GRXCR2: variants seen among roughly 807,000 people sequenced by gnomAD.
The protein encoded by GRXCR2 is glutaredoxin and cysteine rich domain containing 2.
Under a neutral mutation model 24.8 loss-of-function variants are expected in GRXCR2, and 23 were observed. The ratio of observed to expected loss-of-function variants is 0.93; its 90% CI spans 0.67 to 1.32. The LOEUF (loss-of-function observed/expected upper bound fraction) is 1.32, where lower values mean the gene tolerates loss of function less well. Among genes scored for constraint, GRXCR2 ranks in the 40% most tolerant of loss-of-function variants. The pLI, the probability that GRXCR2 is intolerant of heterozygous loss-of-function variation, is 0.00. For synonymous variants in GRXCR2, 130 were observed against 116.1 expected (o/e 1.12, Z -0.77); for missense variants, 315 against 303.4 (o/e 1.04, Z -0.28).
At chr5:145,880,331 CA>C in intron 2 of GRXCR2, among the ~76,000 whole-genome samples, 1 of 152,048 alleles carries the variant, frequency 6.6e-6, no homozygotes, top group Admixed American at 6.6e-5. Context: ...AGAGAAGAAT[CA>C]AATAGATGCA....
At position 145,872,950 on chromosome 5, in the gene GRXCR2, T is replaced by C; in HGVS notation, c.19A>G (p.Lys7Glu). Residue 7 changes from lysine to glutamate, a missense_variant, in exon 1 of 3, where the codon AAG (lysine) becomes GAG (glutamate). By Grantham distance (56) the Lys-to-Glu change is moderately conservative (BLOSUM62 1). Transcript: ENST00000377976. MEDPEK[K>E]LNQKSDGKPR... is the part of the protein sequence containing the mutation. ...TTGCCATCACTCTTCTGATTCAGCT[T>C]TTTCTCAGGGTCCTCCATCAGCAGA... 1.2e-6 allele frequency: 2 copies of C among 1,614,024 alleles called. No individual in the cohort carries two copies. The highest frequency in any genetic ancestry group is 4.5e-5 in the East Asian group (2 of 44,874).
chr5:145,927,831 C>G (rs1757421930), intron 2 of GRXCR2, among the ~76,000 whole-genome samples: 1 of 152,126 alleles, frequency 6.6e-6, no homozygotes, highest in Non-Finnish European at 1.5e-5. Flanking sequence ...ACATTCAGGA[C>G]ATAGGCATGG....
At chr5:145,864,588 C>G (rs754558217) in intron 2 of GRXCR2, among the ~76,000 whole-genome samples, 2 of 152,086 alleles carry the variant, frequency 1.3e-5, no homozygotes, top group Non-Finnish European at 2.9e-5. Context: ...CTCACCAGAG[C>G]TGGTGGTTTT....
chr5:145,878,441 G>C (rs1029685808), intron 2 of GRXCR2, among the ~76,000 whole-genome samples: 1 of 152,110 alleles, frequency 6.6e-6, no homozygotes, highest in Non-Finnish European at 1.5e-5. Flanking sequence ...GGAGGAAAGG[G>C]TATCAGTGAT....
intron 2 of GRXCR2, among the ~76,000 whole-genome samples, chr5:145,928,514 A>C (rs1290542778): frequency 6.6e-6 from 1 of 152,140 alleles, no homozygotes; most frequent in East Asian, 1.9e-4. Flanking sequence ...AAATGTCCAA[A>C]AATGATAGAC....
At chr5:145,925,841 G>A (rs1045711335) in intron 2 of GRXCR2, among the ~76,000 whole-genome samples, 6 of 151,740 alleles carry the variant, frequency 4.0e-5, no homozygotes, top group African/African-American at 1.5e-4. Flanking sequence ...TTTAATAAGG[G>A]AAAAAAATTT....
At chr5:145,871,528 TATAGAC>T (rs949993787) in intron 1 of GRXCR2, among the ~76,000 whole-genome samples, 165 of 152,310 alleles carry the variant, frequency 1.1e-3, no homozygotes, top group African/African-American at 3.6e-3. Context: ...ATGCCATAGA[TATAGAC>T]AGAGATAGTA....
chr5:145,876,214 T>TATATACACACACACAC (rs1425300695), upstream of GRXCR2, among the ~76,000 whole-genome samples: 5 of 139,680 alleles, frequency 3.6e-5, no homozygotes, highest in Admixed American at 7.2e-5. Context: ...TATATATATA[T>TATATACACACACACAC]ATACACACAC....
At chr5:145,870,267 A>G (rs1756507457) in intron 1 of GRXCR2, among the ~76,000 whole-genome samples, 1 of 151,984 alleles carries the variant, frequency 6.6e-6, no homozygotes, top group Non-Finnish European at 1.5e-5. Flanking sequence ...GCCAACCACC[A>G]TTCTACTTGC....
intron 1 of GRXCR2, among the ~76,000 whole-genome samples, chr5:145,867,062 T>C (rs1003952747): frequency 6.6e-6 from 1 of 152,190 alleles, no homozygotes; most frequent in African/African-American, 2.4e-5. Flanking sequence ...GTTTAATAAA[T>C]ACAGAGGGAC....
chr5:145,916,005 T>C (rs1347684956), intron 2 of GRXCR2, among the ~76,000 whole-genome samples: 2 of 152,064 alleles, frequency 1.3e-5, no homozygotes, highest in Admixed American at 1.3e-4. Context: ...AGAGTCACCA[T>C]GCGGGGAGGG....
intron 1 of GRXCR2, among the ~76,000 whole-genome samples, chr5:145,871,891 G>A (rs369607703): frequency 6.6e-6 from 1 of 152,194 alleles, no homozygotes; most frequent in East Asian, 1.9e-4. Flanking sequence ...CCCACTGACA[G>A]CATATATACA....
chr5:145,876,191 G>GTGTATATATATATA (rs1412232264), upstream of GRXCR2, among the ~76,000 whole-genome samples: 214 of 105,242 alleles, frequency 2.0e-3, 2 homozygotes, highest in African/African-American at 5.5e-3. Context: ...GTGTGTGTGT[G>GTGTATATATATATA]TATATATATA....
At chr5:145,912,113 C>A (rs992750390) in intron 2 of GRXCR2, among the ~76,000 whole-genome samples, 4 of 152,160 alleles carry the variant, frequency 2.6e-5, no homozygotes, top group African/African-American at 9.7e-5. Flanking sequence ...AGGGTGTCAC[C>A]TGACACCCAG....
intron 2 of GRXCR2, among the ~76,000 whole-genome samples, chr5:145,918,740 G>A (rs1757277697): frequency 6.6e-6 from 1 of 152,152 alleles, no homozygotes; most frequent in African/African-American, 2.4e-5. Context: ...TCTAGAGGAA[G>A]AAGCTCAGGA....
At chr5:145,873,459 T>C (rs569162264), upstream of GRXCR2, among the ~76,000 whole-genome samples, 32 of 152,360 alleles carry the variant, frequency 2.1e-4, no homozygotes, top group African/African-American at 6.7e-4. Context: ...ACCTTTGTTT[T>C]ACACAGGGGA....
At chr5:145,919,815 GAGA>G (rs1345099283) in intron 2 of GRXCR2, among the ~76,000 whole-genome samples, 1 of 152,176 alleles carries the variant, frequency 6.6e-6, no homozygotes, top group African/African-American at 2.4e-5. Context: ...GAAGACAACA[GAGA>G]AGAAGACTCT....
At chr5:145,866,020 C>T (rs1265214280) in intron 2 of GRXCR2, among the ~76,000 whole-genome samples, 4 of 151,046 alleles carry the variant, frequency 2.6e-5, no homozygotes, top group African/African-American at 9.7e-5. Flanking sequence ...CCTGAAATCC[C>T]AGCTACTCAG....
At chr5:145,921,836 G>A (rs1313425225) in intron 2 of GRXCR2, among the ~76,000 whole-genome samples, 1 of 151,982 alleles carries the variant, frequency 6.6e-6, no homozygotes, top group Non-Finnish European at 1.5e-5. Flanking sequence ...TTAAATCCAT[G>A]TTTGTATTAA....
Sources: gnomAD v4.1 joint callset for allele counts (sites outside exome capture counted in the v4.1 genomes callset) on GRCh38, gnomAD v4.1.1 for gene constraint, MANE v1.5 for transcripts, NCBI Gene and HGNC (gene_info 2026-07-23, HGNC 2026-07-21) for gene names.